Variants in BICD1 observed in about 807,000 individuals in gnomAD.
The protein encoded by BICD1 is protein bicaudal D homolog 1.
In BICD1, 35 loss-of-function variants were observed where a neutral mutation model predicts 92.5. The ratio of observed to expected loss-of-function variants is 0.38; its 90% CI spans 0.29 to 0.50. The LOEUF (loss-of-function observed/expected upper bound fraction) is 0.50. Ranked by LOEUF, BICD1 falls within the 20% of genes least tolerant of loss-of-function variation. BICD1 has a pLI of 0.93. For missense variants in BICD1, 950 were observed against 1,189.8 expected, an observed-to-expected ratio of 0.80 and a Z score of 2.97; for synonymous variants, 429 against 465.1, an observed-to-expected ratio of 0.92 and a Z score of 1.00.
At chr12:32,298,935 G>A (rs1438405492) in intron 3 of BICD1, among the ~76,000 whole-genome samples, 1 of 151,062 alleles carries the variant, frequency 6.6e-6, no homozygotes, top group Non-Finnish European at 1.5e-5. Flanking sequence ...AATGTATTCA[G>A]TTGTTTTATT....
chr12:32,230,229 G>T lies in BICD1; in HGVS notation c.426+13770G>T, dbSNP rs556318721. 2.0e-5 allele frequency among the ~76,000 whole-genome samples: 3 copies of T among 151,918 alleles called. No homozygotes were observed. In the South Asian group the frequency reaches 6.3e-4, roughly 32 times the overall value. ...AGTGAGTGCCTGCCATAGGAGAGAA[G>T]ATCCCTCAAAAAGAGGAATTCAGGG... is the stretch of plus-strand genomic sequence containing the variant. On this transcript the variant is annotated intron_variant, in intron 2 of 9. Transcript: ENST00000652176.
intron 2 of BICD1, 93 bp from the exon 3 acceptor site, chr12:32,293,901 G>C: frequency 7.6e-7 from 1 of 1,309,680 alleles, no homozygotes; most frequent in Non-Finnish European, 1.0e-6. Context: ...CCCATGAGGT[G>C]TTTTTATTAT....
At chr12:32,250,586 T>C (rs1044945874) in intron 2 of BICD1, among the ~76,000 whole-genome samples, 1 of 152,184 alleles carries the variant, frequency 6.6e-6, no homozygotes, top group African/African-American at 2.4e-5. Context: ...TTGTTTTATT[T>C]TTGCCTCTCA....
At chr12:32,203,663 T>C (rs945752507) in intron 1 of BICD1, among the ~76,000 whole-genome samples, 5 of 152,136 alleles carry the variant, frequency 3.3e-5, no homozygotes, top group African/African-American at 1.2e-4. Context: ...CTATATAAAC[T>C]GCATACTTTT....
chr12:32,156,693 T>C (rs1943448956), intron 1 of BICD1, among the ~76,000 whole-genome samples: 1 of 152,210 alleles, frequency 6.6e-6, no homozygotes, highest in Non-Finnish European at 1.5e-5. Flanking sequence ...CATTTTGAAA[T>C]AGTGCCATGA....
At chr12:32,321,897 A>G (rs1448996112) in intron 4 of BICD1, among the ~76,000 whole-genome samples, 1 of 152,040 alleles carries the variant, frequency 6.6e-6, no homozygotes, top group Non-Finnish European at 1.5e-5. Context: ...TACTTGGGAG[A>G]CTGAGGCAGG....
intron 8 of BICD1, among the ~76,000 whole-genome samples, chr12:32,356,984 C>G (rs906284709): frequency 6.6e-6 from 1 of 150,386 alleles, no homozygotes; most frequent in Non-Finnish European, 1.5e-5. Flanking sequence ...AAGAAGGAAT[C>G]TGCTAAATTC....
rs1940084441 is a variant in BICD1, at chr12:32,378,802, G to C, written c.*1175G>C. 1 of 151,954 alleles carries C rather than the reference G, an allele frequency of 6.6e-6. No individual in the cohort carries two copies. The highest frequency in any genetic ancestry group is 2.4e-5 in the African/African-American group (1 of 41,336). The allele number at this position is 151,954 out of a possible 1,614,324, so 9.4% of individuals were successfully genotyped here. On this transcript the variant is annotated 3_prime_UTR_variant, in exon 10 of 10. Transcript: ENST00000652176. The stretch of plus-strand genomic sequence containing the variant: ...AAACCTTAGCTCATTGTCTACTTTT[G>C]ACAAACACTCAGGTGCCTACAAACA...
intron 1 of BICD1, among the ~76,000 whole-genome samples, chr12:32,214,393 A>C (rs1342493286): frequency 1.3e-5 from 2 of 152,192 alleles, no homozygotes; most frequent in Non-Finnish European, 2.9e-5. Context: ...ATATCCAGAC[A>C]CATGTTTCTC....
At position 32,249,567 on chromosome 12, in the gene BICD1, A is replaced by G. The variant is rs1477100079; in HGVS notation, c.426+33108A>G. Reference sequence around the variant, plus strand: ...TAAGGGGAGGATTCTTGTGTTTCCCAGGTGTCCTGAAACCATTCACATGGA... The same window carrying G: ...TAAGGGGAGGATTCTTGTGTTTCCCGGGTGTCCTGAAACCATTCACATGGA... On this transcript the variant is annotated intron_variant, in intron 2 of 9. Transcript: ENST00000652176. 3.9e-5 allele frequency among the ~76,000 whole-genome samples: 6 copies of G among 152,196 alleles called. No homozygotes were observed. In the South Asian group the frequency reaches 1.3e-3, roughly 32 times the overall value.
At chr12:32,148,294 C>T (rs1423256485) in intron 1 of BICD1, among the ~76,000 whole-genome samples, 2 of 152,080 alleles carry the variant, frequency 1.3e-5, no homozygotes, top group African/African-American at 4.8e-5. Context: ...GATGCAGTTA[C>T]ATTCGAATTA....
In BICD1 at chr12:32,293,697, T is replaced by C. The variant is rs142294526; in HGVS notation, c.427-297T>C. 5.9e-5 allele frequency among the ~76,000 whole-genome samples: 9 copies of C among 152,326 alleles called. No homozygotes were observed. The East Asian group carries it at 1.7e-3, about 29-fold the overall frequency. On this transcript the variant is annotated intron_variant, in intron 2 of 9. Transcript: ENST00000652176. ...GATGCATGATAATGTGTTCCCCAAA[T>C]AGCAAACGTTTAGACTGTTTCCAAT...
intron 7 of BICD1, 98 bp from the exon 8 acceptor site, chr12:32,338,688 G>T: frequency 2.1e-6 from 2 of 970,672 alleles, no homozygotes; most frequent in African/African-American, 1.7e-5. Flanking sequence ...AAAATTAAAT[G>T]CCAGTATAAA....
At chr12:32,271,516 T>C (rs981961221) in intron 2 of BICD1, among the ~76,000 whole-genome samples, 8 of 152,174 alleles carry the variant, frequency 5.3e-5, no homozygotes, top group Admixed American at 2.6e-4. Context: ...AAAGATCCCT[T>C]GATTATTACA....
intron 2 of BICD1, among the ~76,000 whole-genome samples, chr12:32,217,593 CAG>C (rs1464712140): frequency 1.3e-5 from 2 of 152,092 alleles, no homozygotes; most frequent in Non-Finnish European, 2.9e-5. Context: ...CTTGTGAAGA[CAG>C]AGAAAGGATC....
chr12:32,119,035 G>A (rs1285238699), intron 1 of BICD1, among the ~76,000 whole-genome samples: 2 of 152,162 alleles, frequency 1.3e-5, no homozygotes, highest in Non-Finnish European at 2.9e-5. Context: ...GCGTGATCAG[G>A]CAGTCTTCCC....
chr12:32,207,348 A>C (rs1378484507), intron 1 of BICD1, among the ~76,000 whole-genome samples: 1 of 152,248 alleles, frequency 6.6e-6, no homozygotes, highest in Non-Finnish European at 1.5e-5. Context: ...ATATAAATCT[A>C]AGTAATAGGC....
chr12:32,197,104 G>A (rs897627947), intron 1 of BICD1, among the ~76,000 whole-genome samples: 1 of 151,900 alleles, frequency 6.6e-6, no homozygotes, highest in Non-Finnish European at 1.5e-5. Context: ...TGCCTCCCAG[G>A]TTCAAGAGAT....
intron 1 of BICD1, among the ~76,000 whole-genome samples, chr12:32,163,676 GT>G (rs1943666674): frequency 6.6e-6 from 1 of 152,210 alleles, no homozygotes; most frequent in African/African-American, 2.4e-5. Flanking sequence ...GCTGTTTCCC[GT>G]TTTCCAGTAT....
Sources: allele counts gnomAD v4.1 joint callset (sites outside exome capture counted in the v4.1 genomes callset), GRCh38; gene constraint gnomAD v4.1.1; transcripts MANE v1.5; gene names NCBI Gene and HGNC (gene_info 2026-07-23, HGNC 2026-07-21).